OVCH2: variants seen among roughly 807,000 people sequenced by gnomAD.
OVCH2 encodes the protein ovochymase 2.
Under a neutral mutation model 73.7 loss-of-function variants are expected in OVCH2, and 88 were observed. That is an observed-to-expected ratio of 1.19 (90% CI 1.01 to 1.43). OVCH2 has a LOEUF of 1.43. Ranked by LOEUF, OVCH2 falls within the 40% of genes most tolerant of loss-of-function variation. The pLI is 0.00. For synonymous variants in OVCH2, 265 were observed against 234.5 expected, an observed-to-expected ratio of 1.13 and a Z score of -1.19; for missense variants, 706 against 674.5, an observed-to-expected ratio of 1.05 and a Z score of -0.52.
chr11:7,687,434 T>C (rs939920852), downstream of OVCH2, among the ~76,000 whole-genome samples: 3 of 152,180 alleles, frequency 2.0e-5, no homozygotes, highest in Non-Finnish European at 4.4e-5. Context: ...ACTGCTTCTA[T>C]GACTCTATGA....
At chr11:7,689,196 C>A (rs1452476598), downstream of OVCH2, among the ~76,000 whole-genome samples, 1 of 152,154 alleles carries the variant, frequency 6.6e-6, no homozygotes, top group Non-Finnish European at 1.5e-5. Context: ...TCTGGGTGAA[C>A]CTGACTTGAT....
chr11:7,702,419 A>G (rs559655769), intron 3 of OVCH2, 90 bp from the exon 4 acceptor site: 3 of 978,566 alleles, frequency 3.1e-6, no homozygotes, highest in African/African-American at 3.4e-5. Flanking sequence ...TTAAAATGAT[A>G]TGGATAAATA....
chr11:7,683,593 TA>T, the OVCH2 span, among the ~76,000 whole-genome samples: 1 of 152,218 alleles, frequency 6.6e-6, no homozygotes, highest in Non-Finnish European at 1.5e-5. Context: ...CAGGTCCTGT[TA>T]CTCCATTTGA....
Position 7,695,552 on chromosome 11 carries a change from A to C in OVCH2, c.1282+18T>G, listed in dbSNP as rs766022744. 6.2e-7 allele frequency: 1 copy of C among 1,603,892 alleles called. No individual in the cohort carries two copies. Among genetic ancestry groups the C allele is most frequent in the Non-Finnish European group, 8.5e-7 (1 of 1,172,278 alleles). On this transcript the variant is annotated intron_variant, in intron 11 of 15. Coordinates refer to ENST00000533663, the MANE Select transcript of OVCH2 (RefSeq NM_198185.7). Reference sequence around the variant, plus strand: ...CAGAAGGTGGAGATAGTATGTGATTAAAAGTAAATGGTTTTACCAGGAATG... The same window carrying C: ...CAGAAGGTGGAGATAGTATGTGATTCAAAGTAAATGGTTTTACCAGGAATG...
At chr11:7,693,788 G>A (rs187162727) in intron 12 of OVCH2, among the ~76,000 whole-genome samples, 139 of 152,176 alleles carry the variant, frequency 9.1e-4, no homozygotes, top group Middle Eastern at 3.4e-3. Context: ...ATTAACATCT[G>A]ACTTCACGTG....
rs1284291005 is a variant in OVCH2, at chr11:7,700,456, C to G, written c.741G>C (p.Arg247=). ...QGDSGGSLMC[R]NKKGAWTLAG... is the part of the protein sequence containing the mutation. ...CCAGAGTCCAGGCCCCTTTCTTATT[C>G]CGGCACATGAGTGAACCTCCTGAAT... The change falls in exon 7 of 16, where the codon CGG becomes CGC. Residue 247 remains arginine (R), a synonymous_variant. Transcript: ENST00000533663. The G allele has an allele frequency of 3.1e-6, 5 of 1,609,524 alleles. No homozygotes were observed. The highest frequency in any genetic ancestry group is 4.2e-6 in the Non-Finnish European group (5 of 1,177,962).
In OVCH2 at chr11:7,702,226, G is replaced by A. The variant is rs1192886766; in HGVS notation, c.394C>T (p.His132Tyr). 5 of 1,612,996 alleles carry A rather than the reference G, an allele frequency of 3.1e-6. No individual in the cohort carries two copies. Among genetic ancestry groups the A allele is most frequent in the Non-Finnish European group, 4.2e-6 (5 of 1,179,340 alleles). The change falls in exon 4 of 16, where the codon CAT becomes TAT. Residue 132 changes from histidine (H) to tyrosine (Y), a missense_variant. By Grantham distance (83) the His-to-Tyr change is moderately conservative. Transcript: ENST00000533663. ...LTIETVIIHP[H>Y]FSTKKPMDYD... ...TCCATTGGTTTCTTGGTGGAGAAATGTGGATGTATGATGACAGTTTCAATA... is the reference window on the plus strand; with the variant it reads ...TCCATTGGTTTCTTGGTGGAGAAATATGGATGTATGATGACAGTTTCAATA...
chr11:7,703,847 C>T (rs531558171), intron 2 of OVCH2, 58 bp from the exon 3 acceptor site: 89 of 1,335,248 alleles, frequency 6.7e-5, no homozygotes, highest in Admixed American at 1.6e-4. Flanking sequence ...CCCCTAAACA[C>T]GGTGATGAAG....
chr11:7,697,885 T>G (rs1407816513), intron 8 of OVCH2, among the ~76,000 whole-genome samples: 1 of 152,204 alleles, frequency 6.6e-6, no homozygotes, highest in Non-Finnish European at 1.5e-5. Context: ...ACTTATCTAA[T>G]TAATCAGCTT....
At chr11:7,680,394 T>A in the OVCH2 span, among the ~76,000 whole-genome samples, 3 of 148,390 alleles carry the variant, frequency 2.0e-5, no homozygotes, top group South Asian at 6.4e-4. Flanking sequence ...GGACAAACAC[T>A]TTTTTTTTTC....
In OVCH2 at chr11:7,689,986, G is replaced by T. The variant is rs993250179; in HGVS notation, c.1667C>A (p.Ser556Ter). 7 of 1,525,960 alleles carry T rather than the reference G, an allele frequency of 4.6e-6. No individual in the cohort carries two copies. The highest frequency in any genetic ancestry group is 6.2e-6 in the Non-Finnish European group (7 of 1,137,826). 94.5% of individuals were successfully genotyped at this position (1,525,960 alleles called of 1,614,324 possible). The change falls in exon 15 of 16, where the codon TCA becomes TAA. Residue 556 changes from serine to a stop codon, truncating the protein, a stop_gained. Transcript: ENST00000533663. LOFTEE classifies it high-confidence loss of function. ...AVYPDLNISI[S>*]EDESMFLET ...CTCCAGAAACATTGATTCATCCTCTGATATGGAGATGTTTAAATCTGGGTA... is the reference window on the plus strand; with the variant it reads ...CTCCAGAAACATTGATTCATCCTCTTATATGGAGATGTTTAAATCTGGGTA...
intron 14 of OVCH2, among the ~76,000 whole-genome samples, chr11:7,690,794 C>T (rs191367338): frequency 1.3e-5 from 2 of 151,730 alleles, no homozygotes; most frequent in Middle Eastern, 3.2e-3. Flanking sequence ...CATTTCTGTT[C>T]TTTTTATTGG....
intron 12 of OVCH2, among the ~76,000 whole-genome samples, chr11:7,694,803 C>CTTT (rs34314441): frequency 0.39 from 41,749 of 107,898 alleles, 8,789 homozygotes; most frequent in South Asian, 0.47. Context: ...TAAAGCGGCA[C>CTTT]TTTTTTTTTT....
At chr11:7,686,433 A>G (rs540980631), downstream of OVCH2, among the ~76,000 whole-genome samples, 1 of 152,346 alleles carries the variant, frequency 6.6e-6, no homozygotes, top group South Asian at 2.1e-4. Flanking sequence ...AGTACCCATA[A>G]CAGTAATTAT....
At chr11:7,698,729 C>A (rs1262617200) in intron 8 of OVCH2, 21 bp downstream of exon 8, 3 of 1,609,504 alleles carry the variant, frequency 1.9e-6, no homozygotes, top group Non-Finnish European at 2.5e-6. Flanking sequence ...CCTGATGGAG[C>A]AGCCTGCAAG....
At chr11:7,696,349 G>C (rs1020897117) in intron 10 of OVCH2, 116 bp downstream of exon 10, 3 of 1,403,442 alleles carry the variant, frequency 2.1e-6, no homozygotes, top group African/African-American at 2.8e-5. Flanking sequence ...GAGTCTCAAA[G>C]CGGAAGTCAA....
intron 4 of OVCH2, 65 bp from the exon 5 acceptor site, chr11:7,701,876 C>T: frequency 7.2e-7 from 1 of 1,380,590 alleles, no homozygotes; most frequent in South Asian, 1.3e-5. Context: ...AAGCCACTCA[C>T]CACTTGGTAT....
chr11:7,692,909 G>T (rs1284267987), intron 12 of OVCH2, among the ~76,000 whole-genome samples: 2 of 152,130 alleles, frequency 1.3e-5, no homozygotes, highest in African/African-American at 4.8e-5. Flanking sequence ...CTTGAGACCT[G>T]TATTTTTTGC....
downstream of OVCH2, among the ~76,000 whole-genome samples, chr11:7,687,031 G>T (rs147342924): frequency 3.9e-5 from 6 of 152,174 alleles, no homozygotes; most frequent in African/African-American, 1.4e-4. Flanking sequence ...TGATGCAAAG[G>T]TGGGGATTCT....
Sources: gnomAD v4.1 joint callset for allele counts (sites outside exome capture counted in the v4.1 genomes callset) on GRCh38, gnomAD v4.1.1 for gene constraint, MANE v1.5 for transcripts, NCBI Gene and HGNC (gene_info 2026-07-23, HGNC 2026-07-21) for gene names.